GDPD4: variants seen among roughly 807,000 people sequenced by gnomAD.
GDPD4 encodes glycerophosphodiester phosphodiesterase domain containing 4.
In GDPD4, 60 loss-of-function variants were observed where a neutral mutation model predicts 67.8. That is an observed-to-expected ratio of 0.88 (90% CI 0.72 to 1.10). The LOEUF (loss-of-function observed/expected upper bound fraction) is 1.10. GDPD4 is among the 50% of genes least tolerant of loss of function. The pLI, the probability that GDPD4 is intolerant of heterozygous loss-of-function variation, is 0.00. For synonymous variants in GDPD4, 212 were observed against 210.9 expected (o/e 1.00, Z -0.04); for missense variants, 623 against 613.9 (o/e 1.01, Z -0.16).
In GDPD4 at chr11:77,245,280, C is replaced by A. The variant is rs1284065348; in HGVS notation, c.1086+1G>T. The A allele has an allele frequency of 6.2e-7, 1 of 1,612,104 alleles. No individual in the cohort carries two copies. The highest frequency in any genetic ancestry group is 8.5e-7 in the Non-Finnish European group (1 of 1,178,160). ...TGTCATAAATACTGAGATAGACTTACCAGATGTTGCTCGATTTTAGAGGCA... is the reference window on the plus strand; with the variant it reads ...TGTCATAAATACTGAGATAGACTTAACAGATGTTGCTCGATTTTAGAGGCA... On this transcript the variant is annotated splice_donor_variant, in intron 12 of 16. Coordinates refer to ENST00000315938, the MANE Select transcript of GDPD4 (RefSeq NM_182833.3). LOFTEE classifies it high-confidence loss of function.
At chr11:77,279,540 T>TTTTTTTTTTTTTTGAGAC in intron 3 of GDPD4, 141 bp from the exon 4 acceptor site, 1 of 520,158 alleles carries the variant, frequency 1.9e-6, no homozygotes, top group Non-Finnish European at 3.6e-6. Flanking sequence ...CAGCAGCTTT[T>TTTTTTTTTTTTTTGAGAC]GCGGATAATT....
chr11:77,217,456 T>C, intron 16 of GDPD4, 142 bp from the exon 17 acceptor site: 1 of 738,892 alleles, frequency 1.4e-6, no homozygotes. Context: ...CCCCTCTACC[T>C]CAGGCTTTGT....
chr11:77,296,477 T>C (rs1331761651), intron 1 of GDPD4, among the ~76,000 whole-genome samples: 6 of 150,784 alleles, frequency 4.0e-5, no homozygotes, highest in African/African-American at 1.5e-4. Flanking sequence ...CGCACCACTA[T>C]GCTCGGATAA....
At chr11:77,228,893 A>G (rs1958399711) in intron 15 of GDPD4, among the ~76,000 whole-genome samples, 1 of 152,166 alleles carries the variant, frequency 6.6e-6, no homozygotes, top group Non-Finnish European at 1.5e-5. Flanking sequence ...GTCATCTTTC[A>G]ACTGCTCCAC....
chr11:77,271,636 A>G (rs1959229002), intron 5 of GDPD4, among the ~76,000 whole-genome samples: 1 of 152,214 alleles, frequency 6.6e-6, no homozygotes, highest in Non-Finnish European at 1.5e-5. Flanking sequence ...AAAATTACAC[A>G]GCTAATTTAC....
At chr11:77,300,313 C>T (rs1283173564) in intron 1 of GDPD4, among the ~76,000 whole-genome samples, 1 of 152,104 alleles carries the variant, frequency 6.6e-6, no homozygotes, top group African/African-American at 2.4e-5. Context: ...AATAAGAACC[C>T]CTTCCCCTCC....
chr11:77,254,331 G>A (rs1958961747), intron 11 of GDPD4, among the ~76,000 whole-genome samples: 1 of 152,190 alleles, frequency 6.6e-6, no homozygotes. Flanking sequence ...GCTGGGGGAT[G>A]AGGTGGCAGG....
chr11:77,301,534 T>C (rs886224352), intron 1 of GDPD4, 71 bp downstream of exon 1: 3 of 152,228 alleles, frequency 2.0e-5, no homozygotes, highest in African/African-American at 7.2e-5. Flanking sequence ...CGCCGACTAA[T>C]AATACTAATA....
chr11:77,243,517 CAGGG>C (rs34716355), intron 13 of GDPD4, among the ~76,000 whole-genome samples, 173 bp downstream of exon 13: 34,362 of 105,654 alleles, frequency 0.33, 5,309 homozygotes, highest in South Asian at 0.48. Flanking sequence ...TTTGTTGGCA[CAGGG>C]AGGGAGGGAG....
At chr11:77,289,032 G>GGGAAAA (rs1417776564) in intron 1 of GDPD4, among the ~76,000 whole-genome samples, 1 of 150,892 alleles carries the variant, frequency 6.6e-6, no homozygotes. Context: ...GGGAGGGGAG[G>GGGAAAA]GGAGGGAAGC....
At chr11:77,242,547 C>T (rs1221417809) in intron 13 of GDPD4, among the ~76,000 whole-genome samples, 2 of 152,000 alleles carry the variant, frequency 1.3e-5, no homozygotes, top group African/African-American at 4.8e-5. Context: ...ACCAAAGTAG[C>T]TGATGGCTAG....
rs58364800 is a variant in GDPD4 at position 77,228,499 on chromosome 11, C to CAAAAAAAAA, written c.1473-592_1473-584dup. On this transcript the variant is annotated intron_variant, in intron 15 of 16. Transcript: ENST00000315938. ...TGGGTGACAGAGCAAGACTCCGTCTCAAAAAAAAAAAAAAAAAAAAAAAAA... is the reference window on the plus strand; with the variant it reads ...TGGGTGACAGAGCAAGACTCCGTCTCAAAAAAAAAAAAAAAAAAAAAAAAAAAAAAAAAA... 1.1e-4 allele frequency among the ~76,000 whole-genome samples: 3 copies of CAAAAAAAAA among 26,640 alleles called. 1 individual carries two copies. The highest frequency in any genetic ancestry group is 4.7e-4 in the African/African-American group (3 of 6,400). The allele number at this position is 26,640 out of a possible 152,430, so 17.5% of individuals were successfully genotyped here. A position where few individuals can be genotyped will look rare whatever the true frequency, so the allele number is the denominator to read the frequency against.
At chr11:77,225,164 A>AAATT (rs1250029801) in intron 16 of GDPD4, among the ~76,000 whole-genome samples, 1 of 152,032 alleles carries the variant, frequency 6.6e-6, no homozygotes, top group Non-Finnish European at 1.5e-5. Flanking sequence ...AAAATAAAGG[A>AAATT]AATTAATTAA....
At chr11:77,300,087 G>A (rs561537412) in intron 1 of GDPD4, among the ~76,000 whole-genome samples, 36 of 151,912 alleles carry the variant, frequency 2.4e-4, no homozygotes, top group Non-Finnish European at 4.4e-4. Flanking sequence ...AAACTTCCTC[G>A]TAAAGCAACC....
At chr11:77,297,297 A>C (rs1938006088) in intron 1 of GDPD4, among the ~76,000 whole-genome samples, 1 of 151,912 alleles carries the variant, frequency 6.6e-6, no homozygotes, top group Non-Finnish European at 1.5e-5. Context: ...CTGTAATCCC[A>C]GCACTTTGGG....
chr11:77,278,391 A>G (rs1204829344), intron 4 of GDPD4, among the ~76,000 whole-genome samples: 1 of 152,144 alleles, frequency 6.6e-6, no homozygotes, highest in Non-Finnish European at 1.5e-5. Context: ...TACCATATCT[A>G]TATGTCCAAA....
chr11:77,247,325 C>A (rs1251813304), intron 11 of GDPD4, among the ~76,000 whole-genome samples: 4 of 152,128 alleles, frequency 2.6e-5, no homozygotes, highest in African/African-American at 9.7e-5. Context: ...ACTATTAAAC[C>A]TTCTTGTGAG....
chr11:77,285,545 CA>C lies in GDPD4; in HGVS notation c.-50-359del, dbSNP rs1711993813. Among the ~76,000 whole-genome samples the C allele has an allele frequency of 2.0e-5, 3 of 152,256 alleles. No homozygotes were observed. The South Asian group carries it at 6.2e-4, about 32-fold the overall frequency. On this transcript the variant is annotated intron_variant, in intron 2 of 16. Transcript: ENST00000315938. ...CTCTCCAGCTATCAAATGTTTTGTTCAGCAATTAATTTATTGATTCATTCAT... is the reference window on the plus strand; with the variant it reads ...CTCTCCAGCTATCAAATGTTTTGTTCGCAATTAATTTATTGATTCATTCAT...
At chr11:77,228,390 C>G (rs112757814) in intron 15 of GDPD4, among the ~76,000 whole-genome samples, 2,425 of 146,882 alleles carry the variant, frequency 0.017, 23 homozygotes, top group African/African-American at 0.026. Flanking sequence ...GTTCCAGCTA[C>G]TCGGGAGGCT....
Sources: allele counts gnomAD v4.1 joint callset (sites outside exome capture counted in the v4.1 genomes callset), GRCh38; gene constraint gnomAD v4.1.1; transcripts MANE v1.5; gene names NCBI Gene and HGNC (gene_info 2026-07-23, HGNC 2026-07-21).